Variants in ATP13A4 observed in about 807,000 individuals in gnomAD.
The protein encoded by ATP13A4 is ATPase 13A4.
ATP13A4 carries 114 observed loss-of-function variants against 142.5 expected under a neutral mutation model. The observed-to-expected ratio is 0.80, with a 90% confidence interval of 0.69 to 0.93. The LOEUF (loss-of-function observed/expected upper bound fraction) is 0.93, where lower values mean the gene tolerates loss of function less well. Among genes scored for constraint, ATP13A4 ranks in the 40% least tolerant of loss-of-function variants. The pLI is 0.00. For missense variants in ATP13A4, 1,392 were observed against 1,454.0 expected (o/e 0.96, Z 0.69); for synonymous variants, 488 against 514.8 (o/e 0.95, Z 0.70).
chr3:193,428,535 C>T (rs1421964105), intron 25 of ATP13A4, among the ~76,000 whole-genome samples: 2 of 151,922 alleles, frequency 1.3e-5, no homozygotes, highest in African/African-American at 4.8e-5. Flanking sequence ...AGACTTGGAA[C>T]CAACACAAAT....
intron 18 of ATP13A4, among the ~76,000 whole-genome samples, chr3:193,445,307 G>A (rs548785597): frequency 4.0e-5 from 6 of 151,628 alleles, no homozygotes; most frequent in Non-Finnish European, 5.9e-5. Context: ...GTTGTGTTGC[G>A]TGCCTGTAAT....
chr3:193,408,721 G>T (rs1023016157), intron 28 of ATP13A4, among the ~76,000 whole-genome samples: 1 of 152,164 alleles, frequency 6.6e-6, no homozygotes, highest in African/African-American at 2.4e-5. Context: ...CTCCTGATGG[G>T]CAACTTTGGC....
At chr3:193,422,006 T>C (rs1051317061) in intron 25 of ATP13A4, among the ~76,000 whole-genome samples, 1 of 149,760 alleles carries the variant, frequency 6.7e-6, no homozygotes, top group Non-Finnish European at 1.5e-5. Context: ...AGTAGCTGAA[T>C]AGATTTTAAA....
chr3:193,448,370 C>A (rs758654868), intron 17 of ATP13A4, 40 bp from the exon 18 acceptor site: 1 of 1,609,460 alleles, frequency 6.2e-7, no homozygotes, highest in East Asian at 2.2e-5. Flanking sequence ...AGAAATAACA[C>A]ATATTACAGC....
At chr3:193,584,101 T>A (rs1724623747) in intron 1 of ATP13A4, among the ~76,000 whole-genome samples, 1 of 152,150 alleles carries the variant, frequency 6.6e-6, no homozygotes, top group African/African-American at 2.4e-5. Flanking sequence ...CACAAAGAAG[T>A]CTGAATCCTA....
upstream of ATP13A4, among the ~76,000 whole-genome samples, chr3:193,557,973 A>G (rs1011825338): frequency 3.9e-5 from 6 of 152,234 alleles, no homozygotes; most frequent in Admixed American, 3.9e-4. Context: ...ATGAAGGAAG[A>G]AGAGGGGAGT....
At position 193,400,383 on chromosome 3, in the gene ATP13A4, T is replaced by C. The variant is rs1298526826; in HGVS notation, c.*2269A>G. On this transcript the variant is annotated 3_prime_UTR_variant, in exon 30 of 30. Coordinates refer to ENST00000342695, the MANE Select transcript of ATP13A4 (RefSeq NM_032279.4). ...CACTTAGGATCAAGGCAAGAGCAAC[T>C]CAAAGTCTCAGAAAGACAGACAATC... Among the ~76,000 whole-genome samples, 2 of 152,242 alleles carry C rather than the reference T, an allele frequency of 1.3e-5. No individual in the cohort carries two copies. The highest frequency in any genetic ancestry group is 2.9e-5 in the Non-Finnish European group (2 of 68,050).
chr3:193,556,252 G>T (rs1045342489), upstream of ATP13A4, among the ~76,000 whole-genome samples: 4 of 152,106 alleles, frequency 2.6e-5, no homozygotes, highest in Admixed American at 2.6e-4. Flanking sequence ...TTCCACAAAA[G>T]ATAGTTATTT....
At chr3:193,457,506 A>G in intron 14 of ATP13A4, 41 bp from the exon 15 acceptor site, 2 of 1,579,610 alleles carry the variant, frequency 1.3e-6, no homozygotes, top group Non-Finnish European at 1.7e-6. Context: ...AGATTTATTT[A>G]TTGTTTGCCC....
chr3:193,479,374 G>T (rs1461826597), intron 8 of ATP13A4, among the ~76,000 whole-genome samples: 1 of 151,992 alleles, frequency 6.6e-6, no homozygotes, highest in Non-Finnish European at 1.5e-5. Context: ...AAACCCTAAA[G>T]GCTCATCCAA....
At chr3:193,569,386 A>C (rs1724209285) in intron 2 of ATP13A4, among the ~76,000 whole-genome samples, 1 of 152,232 alleles carries the variant, frequency 6.6e-6, no homozygotes, top group East Asian at 1.9e-4. Context: ...ATGACAACTA[A>C]ATGCAACTTA....
intron 7 of ATP13A4, among the ~76,000 whole-genome samples, chr3:193,486,033 A>C (rs1719596079): frequency 6.6e-6 from 1 of 150,618 alleles, no homozygotes; most frequent in South Asian, 2.1e-4. Flanking sequence ...ATTTCAGAAA[A>C]TACAGTTGTC....
rs77102029 is a variant in ATP13A4 at position 193,496,162 on chromosome 3, G to A, written c.382-3002C>T. On this transcript the variant is annotated intron_variant, in intron 3 of 29. Transcript: ENST00000342695. ...CCCATGCTATCAAAAGCAATGTACA[G>A]ATTCAATTCAATTTCTATCAAAATA... 2.2e-3 allele frequency among the ~76,000 whole-genome samples: 342 copies of A among 152,224 alleles called. 3 individuals carry two copies. The highest frequency in any genetic ancestry group is 7.3e-3 in the African/African-American group (304 of 41,528).
intron 3 of ATP13A4, among the ~76,000 whole-genome samples, chr3:193,497,612 A>G (rs753086267): frequency 2.6e-5 from 4 of 152,120 alleles, no homozygotes; most frequent in South Asian, 2.1e-4. Context: ...AAATATCTGC[A>G]CTCTCGTGTT....
chr3:193,548,319 T>C (rs758168288), intron 1 of ATP13A4, among the ~76,000 whole-genome samples: 9 of 152,138 alleles, frequency 5.9e-5, no homozygotes, highest in Non-Finnish European at 1.0e-4. Flanking sequence ...TGCCAGGTAC[T>C]GTGTTAAATT....
intron 8 of ATP13A4, among the ~76,000 whole-genome samples, chr3:193,478,555 A>C (rs886802390): frequency 6.6e-6 from 1 of 151,916 alleles, no homozygotes. Context: ...GAAATATACA[A>C]CCCTCCTAGG....
Position 193,407,324 on chromosome 3 carries a change from G to A in ATP13A4, c.3367C>T (p.Leu1123Phe), listed in dbSNP as rs147141866. The A allele has an allele frequency of 2.0e-5, 32 of 1,612,222 alleles. No individual in the cohort carries two copies. The African/African-American group carries it at 3.5e-4, about 17-fold the overall frequency. ...ATCAGCACACTTACCTCGGCCACAA[G>A]GGACACAATGAAATTCAAGCTGAGC... ...IMLSLNFIVS[L>F]VAEEAVIENR... Residue 1123 changes from leucine (L) to phenylalanine (F), a missense_variant, in exon 29 of 30, where the codon CTT (leucine) becomes TTT (phenylalanine). Physicochemically the swap from Leu to Phe is conservative, Grantham distance 22 (BLOSUM62 0). Transcript: ENST00000342695.
intron 23 of ATP13A4, among the ~76,000 whole-genome samples, chr3:193,437,837 T>TG (rs1716381009): frequency 6.8e-6 from 1 of 147,258 alleles, no homozygotes; most frequent in African/African-American, 2.5e-5. Context: ...TTTTTTTTTT[T>TG]TTTTTTTTTT....
At chr3:193,483,534 G>A (rs113037484) in intron 8 of ATP13A4, among the ~76,000 whole-genome samples, 39 of 152,134 alleles carry the variant, frequency 2.6e-4, no homozygotes, top group African/African-American at 8.2e-4. Context: ...GCGCGATCTC[G>A]GCTCACTGCA....
Sources: allele counts gnomAD v4.1 joint callset (sites outside exome capture counted in the v4.1 genomes callset), GRCh38; gene constraint gnomAD v4.1.1; transcripts MANE v1.5; gene names NCBI Gene and HGNC (gene_info 2026-07-23, HGNC 2026-07-21).